Variants in FOXM1 observed in about 807,000 individuals in gnomAD.
FOXM1 encodes the protein forkhead box M1, also known as forkhead box protein M1.
In FOXM1, 25 loss-of-function variants were observed where a neutral mutation model predicts 63.6. That is an observed-to-expected ratio of 0.39 (90% CI 0.29 to 0.55). The LOEUF (loss-of-function observed/expected upper bound fraction) is 0.55, where lower values mean the gene tolerates loss of function less well. FOXM1 is among the 20% of genes least tolerant of loss of function. FOXM1 has a pLI of 0.60. For missense variants in FOXM1, 879 were observed against 958.7 expected (o/e 0.92, Z 1.10); for synonymous variants, 387 against 376.9 (o/e 1.03, Z -0.31).
In FOXM1 at chr12:2,858,388, C is replaced by G. The variant is rs1296295129; in HGVS notation, c.*250G>C. 4.0e-5 allele frequency: 19 copies of G among 480,078 alleles called. No individual in the cohort carries two copies. Among genetic ancestry groups the G allele is most frequent in the Non-Finnish European group, 3.7e-6 (1 of 269,946 alleles). 29.7% of individuals were successfully genotyped at this position (480,078 alleles called of 1,614,324 possible). A position where few individuals can be genotyped will look rare whatever the true frequency, so the allele number is the denominator to read the frequency against. ...GGCTGGGGGGTTCCTAATCTCTTTT[C>G]ACCATTGCCTTTGTTGTTCCCACCC... On this transcript the variant is annotated 3_prime_UTR_variant, in exon 9 of 9. Coordinates refer to ENST00000359843, the MANE Select transcript of FOXM1 (RefSeq NM_021953.4).
At chr12:2,866,107 A>G (rs940039874) in intron 5 of FOXM1, among the ~76,000 whole-genome samples, 8 of 152,206 alleles carry the variant, frequency 5.3e-5, no homozygotes, top group Non-Finnish European at 1.0e-4. Flanking sequence ...ACAATGTCCC[A>G]GGCAATTCCC....
At position 2,865,263 on chromosome 12, in the gene FOXM1, C is replaced by T. The variant is rs558372092; in HGVS notation, c.1020+92G>A. ...AAAACATGGCCATAGGGACCCTTCC[C>T]CACATCACATCTTGTCTCTGTCCAC... On this transcript the variant is annotated intron_variant, in intron 6 of 8. Transcript: ENST00000359843. 7.5e-6 allele frequency: 9 copies of T among 1,196,910 alleles called. No homozygotes were observed. In the Admixed American group the frequency reaches 1.1e-4, roughly 14 times the overall value. The allele number at this position is 1,196,910 out of a possible 1,614,324, so 74.1% of individuals were successfully genotyped here. A position where few individuals can be genotyped will look rare whatever the true frequency, so the allele number is the denominator to read the frequency against.
In FOXM1 at chr12:2,859,509, G is replaced by C. The variant is rs1444862763; in HGVS notation, c.1421C>G (p.Ala474Gly). 1 of 1,613,888 alleles carries C rather than the reference G, an allele frequency of 6.2e-7. No individual in the cohort carries two copies. The highest frequency in any genetic ancestry group is 8.5e-7 in the Non-Finnish European group (1 of 1,180,000). Residue 474 changes from alanine to glycine, a missense_variant, in exon 9 of 9, where the codon GCG becomes GGG. This residue lies in a region of FOXM1 where 486 missense variants were observed against 453.5 expected (regional missense o/e 1.07). Coordinates refer to ENST00000359843, the MANE Select transcript of FOXM1 (RefSeq NM_021953.4). ...AGGGCTCTCCACTTTGATGGGTCTC[G>C]CTAAGTGTGGCATTTCCTCCCCAGG... ...IQPGEEMPHL[A>G]RPIKVESPPL... is the part of the protein sequence containing the mutation.
rs962805049 is a variant in FOXM1 at position 2,864,814 on chromosome 12, T to G, written c.1021-62A>C. On this transcript the variant is annotated intron_variant, in intron 6 of 8. Coordinates refer to ENST00000359843, the MANE Select transcript of FOXM1 (RefSeq NM_021953.4). The surrounding 1 kb of genome is among the most constrained non-coding windows in gnomAD (Gnocchi z 5.1). Reference sequence around the variant, plus strand: ...TTAACACAATAAGGTAAAGAGGGGATGGCAAAACCCCACCAGCTGCTCTGG... The same window carrying G: ...TTAACACAATAAGGTAAAGAGGGGAGGGCAAAACCCCACCAGCTGCTCTGG... 9 of 1,560,052 alleles carry G rather than the reference T, an allele frequency of 5.8e-6. No homozygotes were observed. Among genetic ancestry groups the G allele is most frequent in the Non-Finnish European group, 7.1e-6 (8 of 1,131,296 alleles).
chr12:2,858,522 G>A lies in FOXM1; in HGVS notation c.*116C>T. The A allele has an allele frequency of 1.2e-6, 1 of 840,514 alleles. No homozygotes were observed. Among genetic ancestry groups the A allele is most frequent in the Non-Finnish European group, 1.8e-6 (1 of 549,530 alleles). The allele number at this position is 840,514 out of a possible 1,614,324, so 52.1% of individuals were successfully genotyped here. On this transcript the variant is annotated 3_prime_UTR_variant, in exon 9 of 9. Transcript: ENST00000359843. ...CTTTTGCATAATCAGGCAGCAGGGAGCTATGAGGAGCAGAACAGTCCCTGC... is the reference window on the plus strand; with the variant it reads ...CTTTTGCATAATCAGGCAGCAGGGAACTATGAGGAGCAGAACAGTCCCTGC...
intron 8 of FOXM1, chr12:2,861,256 A>G: frequency 1.4e-6 from 1 of 712,764 alleles, no homozygotes. Context: ...CATAGAGGAC[A>G]ATTCCAAGTC....
intron 4 of FOXM1, among the ~76,000 whole-genome samples, chr12:2,867,159 AC>A (rs961216373): frequency 8.3e-4 from 126 of 151,810 alleles, no homozygotes; most frequent in African/African-American, 2.9e-3. Context: ...TCTCAAACAA[AC>A]AAACAAGAAA....
At position 2,874,432 on chromosome 12, in the gene FOXM1, A is replaced by T; in HGVS notation, c.47T>A (p.Leu16Gln). Residue 16 changes from leucine to glutamine, a missense_variant, in exon 2 of 9, where the codon CTG (leucine) becomes CAG (glutamine). Coordinates refer to ENST00000359843, the MANE Select transcript of FOXM1 (RefSeq NM_021953.4). The surrounding 1 kb of genome is among the most constrained non-coding windows in gnomAD (Gnocchi z 4.3). ...TGGGGCATTTTGAACAGGAAGGGGCAGCCTCCGTCTTTTGAGAATCAGTGG... is the reference window on the plus strand; with the variant it reads ...TGGGGCATTTTGAACAGGAAGGGGCTGCCTCCGTCTTTTGAGAATCAGTGG... Reference protein sequence around the residue: ...RRPLILKRRRLPLPVQNAPSE... With the variant: ...RRPLILKRRRQPLPVQNAPSE... 10 of 1,613,386 alleles carry T rather than the reference A, an allele frequency of 6.2e-6. No homozygotes were observed. The highest frequency in any genetic ancestry group is 2.7e-5 in the African/African-American group (2 of 75,002).
chr12:2,875,334 GC>G (rs1006400739), intron 1 of FOXM1, among the ~76,000 whole-genome samples: 3 of 152,092 alleles, frequency 2.0e-5, no homozygotes, highest in African/African-American at 7.2e-5. Context: ...TAGGACCAGT[GC>G]ACACAGAATC....
In FOXM1 at chr12:2,859,027, GT is replaced by G; in HGVS notation, c.1902del (p.Leu635TrpfsTer22). The G allele has an allele frequency of 6.2e-7, 1 of 1,611,082 alleles. No homozygotes were observed. Among genetic ancestry groups the G allele is most frequent in the Non-Finnish European group, 8.5e-7 (1 of 1,178,472 alleles). ...WRLTPPAKVG[G>X]LDFSPVQTSQ... is the part of the protein sequence containing the mutation. ...GAGGTTTGTACTGGGCTGAAATCCA[GT>G]CCCCCTACTTTGGCTGGGGGCGTGA... On this transcript the variant is annotated frameshift_variant, in exon 9 of 9. Transcript: ENST00000359843. LOFTEE classifies it high-confidence loss of function.
rs982871044 is a variant in FOXM1 at position 2,859,406 on chromosome 12, A to G, written c.1524T>C (p.Ser508=). The G allele has an allele frequency of 1.2e-6, 2 of 1,613,578 alleles. No homozygotes were observed. Among genetic ancestry groups the G allele is most frequent in the African/African-American group, 2.7e-5 (2 of 74,754 alleles). The change falls in exon 9 of 9, where the codon TCT becomes TCC. Residue 508 remains serine, a synonymous_variant. Transcript: ENST00000359843. ...AGGACTTCTTGGGTCTTGGGGTGGG[A>G]GATTGGGACGAATCCTCCCAGGAGT... is the stretch of plus-strand genomic sequence containing the variant. ...SSHSWEDSSQ[S]PTPRPKKSYS...
chr12:2,874,020 A>G lies in FOXM1; in HGVS notation c.459T>C (p.Pro153=). ...PKPAARDVNL[P]RPPGALCEQK... is the part of the protein sequence containing the mutation. ...GCTCGCAAAGGGCTCCAGGTGGTCT[A>G]GGAAGATTCACATCCCTAGCTGCAG... Residue 153 remains proline (P), a synonymous_variant, in exon 2 of 9, where the codon CCT becomes CCC. Coordinates refer to ENST00000359843, the MANE Select transcript of FOXM1 (RefSeq NM_021953.4). This position sits in a 1 kb window ranked among gnomAD's most constrained non-coding sequence, Gnocchi z 4.3. 1 of 1,614,130 alleles carries G rather than the reference A, an allele frequency of 6.2e-7. No individual in the cohort carries two copies. The highest frequency in any genetic ancestry group is 8.5e-7 in the Non-Finnish European group (1 of 1,180,004).
At chr12:2,865,483 T>G in intron 5 of FOXM1, 84 bp from the exon 6 acceptor site, 1 of 1,149,184 alleles carries the variant, frequency 8.7e-7, no homozygotes, top group Non-Finnish European at 1.3e-6. Flanking sequence ...GGAAAAACAC[T>G]TATTCCTGAC....
Position 2,868,721 on chromosome 12 carries a change from G to T in FOXM1, c.688C>A (p.Gln230Lys), listed in dbSNP as rs751824568. 3.7e-6 allele frequency: 6 copies of T among 1,613,792 alleles called. No individual in the cohort carries two copies. The highest frequency in any genetic ancestry group is 5.1e-6 in the Non-Finnish European group (6 of 1,179,884). ...EEPSRPSASWQNSVSERPPYS... is the reference protein window; with the variant it reads ...EEPSRPSASWKNSVSERPPYS... ...GGTGGCCGCTCAGACACAGAGTTCT[G>T]CCAGGACGCTGATGGTCTCGAAGGC... is the stretch of plus-strand genomic sequence containing the variant. Residue 230 changes from glutamine to lysine, a missense_variant, in exon 4 of 9, where the codon CAG becomes AAG. Gln to Lys is a moderately conservative substitution (Grantham distance 53). Coordinates refer to ENST00000359843, the MANE Select transcript of FOXM1 (RefSeq NM_021953.4).
chr12:2,871,986 T>TA, intron 3 of FOXM1, 110 bp downstream of exon 3: 1 of 1,104,150 alleles, frequency 9.1e-7, no homozygotes, highest in Non-Finnish European at 1.4e-6. Context: ...AGTGGAGAGC[T>TA]AATACCAGAA....
chr12:2,869,737 ATTTTT>A (rs57611486), intron 3 of FOXM1, among the ~76,000 whole-genome samples: 2 of 130,290 alleles, frequency 1.5e-5, no homozygotes, highest in Admixed American at 1.6e-4. Context: ...GCGCCTGGCG[ATTTTT>A]TTTTTTTTTT....
Position 2,860,393 on chromosome 12 carries a change from G to A in FOXM1, c.1267-730C>T, listed in dbSNP as rs1251478434. On this transcript the variant is annotated intron_variant, in intron 8 of 8. Coordinates refer to ENST00000359843, the MANE Select transcript of FOXM1 (RefSeq NM_021953.4). ...CCAGCTACAGGTGGGAGGCTGAGGT[G>A]GGAAGATCACTTGAGCCTGGGAGGT... is the stretch of plus-strand genomic sequence containing the variant. Among the ~76,000 whole-genome samples, 5 of 151,814 alleles carry A rather than the reference G, an allele frequency of 3.3e-5. No individual in the cohort carries two copies. The East Asian group carries it at 9.7e-4, about 30-fold the overall frequency.
At chr12:2,865,004 C>T in intron 6 of FOXM1, 1 of 588,726 alleles carries the variant, frequency 1.7e-6, no homozygotes, top group Non-Finnish European at 3.0e-6. Context: ...CTCAACACCC[C>T]TGGGGGATGC....
chr12:2,864,489 T>C lies in FOXM1; in HGVS notation c.1097A>G (p.Lys366Arg), dbSNP rs1342381771. ...KTELPLGARR[K>R]MKPLLPRVSS... Reference sequence around the variant, plus strand: ...GACCCGTGGTAGCAGTGGCTTCATCTTCCGCCCTAGGAGGAAACACGAGAG... The same window carrying C: ...GACCCGTGGTAGCAGTGGCTTCATCCTCCGCCCTAGGAGGAAACACGAGAG... The change falls in exon 8 of 9, where the codon AAG becomes AGG. Residue 366 changes from lysine to arginine, a missense_variant. Around this residue, in one of 4 missense-constraint regions of FOXM1, gnomAD observed 76 missense variants for 94.5 expected, o/e 0.80. Transcript: ENST00000359843. The surrounding 1 kb of genome is among the most constrained non-coding windows in gnomAD (Gnocchi z 5.1). The C allele has an allele frequency of 1.9e-6, 3 of 1,611,914 alleles. No individual in the cohort carries two copies. Among genetic ancestry groups the C allele is most frequent in the Non-Finnish European group, 2.5e-6 (3 of 1,178,294 alleles).
Sources: gnomAD v4.1 joint callset for allele counts (sites outside exome capture counted in the v4.1 genomes callset) on GRCh38, gnomAD v4.1.1 for gene constraint, gnomAD v4.1.1 regional missense constraint, Gnocchi (gnomAD v3.1) non-coding constraint, MANE v1.5 for transcripts, NCBI Gene and HGNC (gene_info 2026-07-23, HGNC 2026-07-21) for gene names.